The following GOLM1 variants were observed in gnomAD, a reference collection of about 807,000 sequenced individuals.
GOLM1 encodes epididymis luminal protein 46.
In GOLM1, 31 loss-of-function variants were observed where a neutral mutation model predicts 50.5. The observed-to-expected ratio is 0.61, with a 90% CI of 0.46 to 0.83. The LOEUF (loss-of-function observed/expected upper bound fraction) is 0.83. Among genes scored for constraint, GOLM1 ranks in the 40% least tolerant of loss-of-function variants. The pLI, the probability that GOLM1 is intolerant of heterozygous loss-of-function variation, is 0.00. For synonymous variants in GOLM1, 178 were observed against 192.8 expected, an observed-to-expected ratio of 0.92 and a Z score of 0.64; for missense variants, 491 against 501.3, an observed-to-expected ratio of 0.98 and a Z score of 0.20.
intron 3 of GOLM1, among the ~76,000 whole-genome samples, chr9:86,076,068 C>A (rs532013802): frequency 6.6e-6 from 1 of 152,222 alleles, no homozygotes. Flanking sequence ...AGTTGAGCTA[C>A]AACATTCTTC....
intron 1 of GOLM1, among the ~76,000 whole-genome samples, chr9:86,083,975 A>G (rs1834870296): frequency 6.6e-6 from 1 of 152,218 alleles, no homozygotes; most frequent in African/African-American, 2.4e-5. Context: ...GTGTTTGAGC[A>G]TGCGGTGCTG....
At chr9:86,062,373 GTGCTT>G (rs953940259) in intron 3 of GOLM1, among the ~76,000 whole-genome samples, 10 of 152,046 alleles carry the variant, frequency 6.6e-5, no homozygotes, top group Non-Finnish European at 1.2e-4. Flanking sequence ...CACACTGCAG[GTGCTT>G]TGGGGAGGGA....
intron 3 of GOLM1, among the ~76,000 whole-genome samples, chr9:86,054,897 A>T (rs1350906507): frequency 6.6e-6 from 1 of 152,226 alleles, no homozygotes; most frequent in Non-Finnish European, 1.5e-5. Context: ...TTACTGTGTC[A>T]TCATCCACAA....
intron 1 of GOLM1, among the ~76,000 whole-genome samples, chr9:86,096,178 T>C (rs1016791951): frequency 5.8e-5 from 2 of 34,736 alleles, no homozygotes; most frequent in Non-Finnish European, 9.4e-5. Flanking sequence ...GCTCGATAGG[T>C]TTTTTTTTTT....
rs1241971539 is a variant in GOLM1, at chr9:86,079,204, G to A, written c.117C>T (p.Ser39=). The change falls in exon 2 of 10, where the codon AGC becomes AGT. Residue 39 remains serine (S), a synonymous_variant. Transcript: ENST00000388712. ...GAAAACAAAACACCTGGAGGTCCACGCTCCGGGAGCTCGCAATCCAGTAGT... is the reference window on the plus strand; with the variant it reads ...GAAAACAAAACACCTGGAGGTCCACACTCCGGGAGCTCGCAATCCAGTAGT... ...GFNYWIASSR[S]VDLQTRIMEL... The A allele has an allele frequency of 2.5e-6, 4 of 1,584,770 alleles. No homozygotes were observed. The highest frequency in any genetic ancestry group is 4.5e-5 in the East Asian group (2 of 44,290).
At chr9:86,068,843 G>A (rs1219558582) in intron 3 of GOLM1, among the ~76,000 whole-genome samples, 1 of 152,186 alleles carries the variant, frequency 6.6e-6, no homozygotes, top group Non-Finnish European at 1.5e-5. Flanking sequence ...GGGTATCAGG[G>A]AAGTCTACAG....
At chr9:86,088,339 T>C (rs1835044068) in intron 1 of GOLM1, among the ~76,000 whole-genome samples, 1 of 149,594 alleles carries the variant, frequency 6.7e-6, no homozygotes, top group African/African-American at 2.5e-5. Context: ...TTTTCTTCTT[T>C]ATTAGTCTGG....
intron 3 of GOLM1, among the ~76,000 whole-genome samples, chr9:86,056,265 C>G (rs73478715): frequency 6.6e-6 from 1 of 152,048 alleles, no homozygotes; most frequent in Non-Finnish European, 1.5e-5. Flanking sequence ...TTTTTGTTAT[C>G]TTCCCCTATC....
At chr9:86,051,124 C>CA (rs1833735187) in intron 4 of GOLM1, among the ~76,000 whole-genome samples, 1 of 152,154 alleles carries the variant, frequency 6.6e-6, no homozygotes, top group African/African-American at 2.4e-5. Flanking sequence ...GTTATGTACC[C>CA]AGTAGTCATT....
intron 1 of GOLM1, among the ~76,000 whole-genome samples, chr9:86,084,395 CT>C (rs898051005): frequency 2.0e-5 from 3 of 152,142 alleles, no homozygotes; most frequent in East Asian, 3.9e-4. Context: ...CACATACCCC[CT>C]GATATGGTGC....
chr9:86,046,608 G>A (rs771621652), intron 4 of GOLM1, 36 bp from the exon 5 acceptor site: 23 of 1,323,822 alleles, frequency 1.7e-5, no homozygotes, highest in East Asian at 2.4e-5. Flanking sequence ...ACAGGTCACC[G>A]GCACAGCTGT....
At chr9:86,099,673 C>G (rs1420403737), upstream of GOLM1, 1 of 150,834 alleles carries the variant, frequency 6.6e-6, no homozygotes, top group Non-Finnish European at 1.5e-5. Context: ...CGCGGACTCC[C>G]GGCCCCACGG....
Position 86,026,198 on chromosome 9 carries a change from CAT to C in GOLM1, c.*1617_*1618del. 2 of 981,114 alleles carry C rather than the reference CAT, an allele frequency of 2.0e-6. No individual in the cohort carries two copies. Among genetic ancestry groups the C allele is most frequent in the African/African-American group, 3.5e-5 (2 of 57,254 alleles). 60.8% of individuals were successfully genotyped at this position (981,114 alleles called of 1,614,324 possible). On this transcript the variant is annotated 3_prime_UTR_variant, in exon 10 of 10. Coordinates refer to ENST00000388712, the MANE Select transcript of GOLM1 (RefSeq NM_016548.4). ...AGCAATTCTATGCGTACAAATTAAA[CAT>C]GAGATGAATAGAGACTTTATTGAGA...
intron 3 of GOLM1, among the ~76,000 whole-genome samples, chr9:86,053,358 C>T (rs984782963): frequency 2.2e-5 from 3 of 134,984 alleles, no homozygotes; most frequent in African/African-American, 5.5e-5. Context: ...CTCCACACCA[C>T]GTACCACTCC....
At position 86,026,649 on chromosome 9, in the gene GOLM1, G is replaced by A. The variant is rs920295615; in HGVS notation, c.*1168C>T. 1 of 984,528 alleles carries A rather than the reference G, an allele frequency of 1.0e-6. No homozygotes were observed. The highest frequency in any genetic ancestry group is 1.2e-6 in the Non-Finnish European group (1 of 829,272). The allele number at this position is 984,528 out of a possible 1,614,324, so 61.0% of individuals were successfully genotyped here. A position where few individuals can be genotyped will look rare whatever the true frequency, so the allele number is the denominator to read the frequency against. On this transcript the variant is annotated 3_prime_UTR_variant, in exon 10 of 10. Coordinates refer to ENST00000388712, the MANE Select transcript of GOLM1 (RefSeq NM_016548.4). Reference sequence around the variant, plus strand: ...CTGGGAAGTCAGTCATTAATGATGTGGCCAGTTATTTGCAAGTGGTAAGAG... The same window carrying A: ...CTGGGAAGTCAGTCATTAATGATGTAGCCAGTTATTTGCAAGTGGTAAGAG...
At chr9:86,082,314 C>T (rs1442987292) in intron 1 of GOLM1, among the ~76,000 whole-genome samples, 4 of 151,730 alleles carry the variant, frequency 2.6e-5, no homozygotes, top group Non-Finnish European at 4.4e-5. Flanking sequence ...GCATGAGCCA[C>T]CGTGCCCAGC....
intron 3 of GOLM1, among the ~76,000 whole-genome samples, chr9:86,065,389 T>C (rs184854979): frequency 2.0e-5 from 3 of 152,330 alleles, no homozygotes; most frequent in African/African-American, 7.2e-5. Context: ...AAAGCTGCTC[T>C]AGAACTCTGG....
intron 6 of GOLM1, among the ~76,000 whole-genome samples, chr9:86,037,053 T>C (rs994101637): frequency 2.6e-5 from 4 of 152,228 alleles, no homozygotes; most frequent in African/African-American, 9.7e-5. Context: ...TTTGCAAATA[T>C]TTGGAAATTA....
chr9:86,073,111 G>T (rs1430429789), intron 3 of GOLM1, among the ~76,000 whole-genome samples: 3 of 151,880 alleles, frequency 2.0e-5, no homozygotes, highest in Non-Finnish European at 4.4e-5. Flanking sequence ...CTGAAAAAAA[G>T]ATAACCTTGA....
Sources: allele counts gnomAD v4.1 joint callset (sites outside exome capture counted in the v4.1 genomes callset), GRCh38; gene constraint gnomAD v4.1.1; transcripts MANE v1.5; gene names NCBI Gene and HGNC (gene_info 2026-07-23, HGNC 2026-07-21).